Variants in CDS1 observed in about 807,000 individuals in gnomAD.
CDS1 encodes phosphatidate cytidylyltransferase 1.
CDS1 carries 41 observed loss-of-function variants against 62.1 expected under a neutral mutation model. The observed-to-expected ratio is 0.66, with a 90% CI of 0.51 to 0.86. The LOEUF is 0.86. Among genes scored for constraint, CDS1 ranks in the 40% least tolerant of loss-of-function variants. CDS1 has a pLI of 0.00. For missense variants in CDS1, 470 were observed against 550.1 expected (o/e 0.85, Z 1.46); for synonymous variants, 185 against 192.6 (o/e 0.96, Z 0.32).
intron 8 of CDS1, among the ~76,000 whole-genome samples, chr4:84,636,072 C>T (rs1039011880): frequency 1.3e-5 from 2 of 151,926 alleles, no homozygotes; most frequent in African/African-American, 4.8e-5. Flanking sequence ...GGTTTTTTCT[C>T]TCGGCCATTG....
chr4:84,642,094 A>G lies in CDS1; in HGVS notation c.1033-930A>G, dbSNP rs534352630. On this transcript the variant is annotated intron_variant, in intron 10 of 12. Transcript: ENST00000295887. Reference sequence around the variant, plus strand: ...TGTAATCCCAACACTTTGGGAGGCCAAGGCAGGTGGATCACCTGATGCCAG... The same window carrying G: ...TGTAATCCCAACACTTTGGGAGGCCGAGGCAGGTGGATCACCTGATGCCAG... 2.0e-5 allele frequency among the ~76,000 whole-genome samples: 3 copies of G among 152,296 alleles called. No homozygotes were observed. In the East Asian group the frequency reaches 5.8e-4, roughly 29 times the overall value.
At chr4:84,587,726 A>G (rs905608964) in intron 1 of CDS1, among the ~76,000 whole-genome samples, 2 of 152,190 alleles carry the variant, frequency 1.3e-5, no homozygotes, top group Admixed American at 1.3e-4. Flanking sequence ...AATGGCATAC[A>G]AGTTTATTAA....
In CDS1 at chr4:84,606,320, GTGTGTGTGTGTA is replaced by G. The variant is rs1457862036; in HGVS notation, c.245+1960_245+1971del. On this transcript the variant is annotated intron_variant, in intron 2 of 12. Transcript: ENST00000295887. ...TTTCTTGTGCAGTGTGTGTGTGTGT[GTGTGTGTGTGTA>G]TGTGTGTGTATGTATGGATGTGTGT... Among the ~76,000 whole-genome samples, 4 of 151,916 alleles carry G rather than the reference GTGTGTGTGTGTA, an allele frequency of 2.6e-5. No individual in the cohort carries two copies. The East Asian group carries it at 7.7e-4, about 29-fold the overall frequency.
At chr4:84,584,305 A>C (rs879309967) in intron 1 of CDS1, among the ~76,000 whole-genome samples, 3 of 152,248 alleles carry the variant, frequency 2.0e-5, no homozygotes, top group Non-Finnish European at 4.4e-5. Flanking sequence ...ACTTGTGAAG[A>C]AATGCAGTTT....
chr4:84,643,217 G>C (rs1444333839), intron 11 of CDS1, 74 bp downstream of exon 11: 1 of 1,464,378 alleles, frequency 6.8e-7, no homozygotes, highest in African/African-American at 1.4e-5. Context: ...AATTTGGTCC[G>C]CTCATGATCT....
chr4:84,611,882 G>A (rs540553820), intron 3 of CDS1, among the ~76,000 whole-genome samples: 1 of 152,230 alleles, frequency 6.6e-6, no homozygotes, highest in Admixed American at 6.5e-5. Context: ...CGCTGAATGT[G>A]CCAAGGGCTA....
In CDS1 at chr4:84,621,018, C is replaced by T. The variant is rs1482040899; in HGVS notation, c.580+1485C>T. Among the ~76,000 whole-genome samples the T allele has an allele frequency of 2.0e-5, 3 of 152,212 alleles. No homozygotes were observed. In the East Asian group the frequency reaches 5.8e-4, roughly 29 times the overall value. On this transcript the variant is annotated intron_variant, in intron 5 of 12. Transcript: ENST00000295887. ...GAGGTTGCGGTGAGCCGAGATCACA[C>T]CATTGCACTCCAGCCTGGGCAACAA...
chr4:84,603,240 T>A (rs975724090), intron 1 of CDS1, among the ~76,000 whole-genome samples: 1 of 152,142 alleles, frequency 6.6e-6, no homozygotes, highest in Non-Finnish European at 1.5e-5. Context: ...GTGCTTTTAT[T>A]CCTAGGATTA....
chr4:84,624,308 GT>G (rs1160463254), intron 5 of CDS1, among the ~76,000 whole-genome samples: 44 of 141,552 alleles, frequency 3.1e-4, no homozygotes, highest in South Asian at 4.5e-4. Flanking sequence ...AAAAAAACTA[GT>G]TTTTTTTTTT....
chr4:84,609,524 T>G lies in CDS1; in HGVS notation c.341T>G (p.Leu114Arg), dbSNP rs1349761209. The change falls in exon 3 of 13, where the codon CTT becomes CGT. Residue 114 changes from leucine (L) to arginine (R), a missense_variant and splice_region_variant. Physicochemically the swap from Leu to Arg is moderately radical, Grantham distance 102. This residue lies in a region of CDS1 where 34 missense variants were observed against 64.8 expected (regional missense o/e 0.52). Transcript: ENST00000295887. ...IYMGSFMLML[L>R]VLGIQVKCFH... ...ATGGGATCCTTCATGCTGATGCTTC[T>G]TGTAAGTTTTTGACTTTTCCCTGAG... is the stretch of plus-strand genomic sequence containing the variant. 1 of 1,556,898 alleles carries G rather than the reference T, an allele frequency of 6.4e-7. No homozygotes were observed. The highest frequency in any genetic ancestry group is 8.9e-7 in the Non-Finnish European group (1 of 1,129,592).
chr4:84,614,244 C>G (rs910412694), intron 3 of CDS1, among the ~76,000 whole-genome samples: 9 of 151,982 alleles, frequency 5.9e-5, no homozygotes, highest in Admixed American at 1.3e-4. Context: ...ATGGCACAAC[C>G]CTATCTCTAA....
chr4:84,607,226 A>C (rs1012730302), intron 2 of CDS1, among the ~76,000 whole-genome samples: 4 of 152,192 alleles, frequency 2.6e-5, no homozygotes, highest in Non-Finnish European at 4.4e-5. Flanking sequence ...ATATTTGAAA[A>C]GAGTATTTGT....
intron 1 of CDS1, among the ~76,000 whole-genome samples, chr4:84,596,115 A>G (rs1722740118): frequency 6.6e-6 from 1 of 152,156 alleles, no homozygotes; most frequent in Admixed American, 6.5e-5. Context: ...GCACATACTC[A>G]CCAAGCTCCT....
chr4:84,599,479 A>T (rs1722868700), intron 1 of CDS1, among the ~76,000 whole-genome samples: 1 of 146,532 alleles, frequency 6.8e-6, no homozygotes. Context: ...TATAATCAAG[A>T]TAATGAGCTA....
intron 1 of CDS1, among the ~76,000 whole-genome samples, chr4:84,597,451 A>G (rs1360609234): frequency 6.6e-6 from 1 of 151,884 alleles, no homozygotes; most frequent in Admixed American, 6.6e-5. Flanking sequence ...CAGCCTGGGC[A>G]ACATAGGGAG....
intron 1 of CDS1, 118 bp downstream of exon 1, chr4:84,583,636 G>C: frequency 1.7e-6 from 1 of 592,890 alleles, no homozygotes; most frequent in Non-Finnish European, 2.9e-6. Context: ...CGCTGCCGGT[G>C]CACCTTCCTC....
At chr4:84,606,501 G>C (rs1723099012) in intron 2 of CDS1, among the ~76,000 whole-genome samples, 1 of 151,996 alleles carries the variant, frequency 6.6e-6, no homozygotes, top group African/African-American at 2.4e-5. Context: ...GCATGGCTAT[G>C]GTCTAGTTTA....
intron 1 of CDS1, among the ~76,000 whole-genome samples, chr4:84,601,098 A>G (rs1409438475): frequency 6.9e-6 from 1 of 144,440 alleles, no homozygotes; most frequent in Non-Finnish European, 1.5e-5. Flanking sequence ...GCTTGAGCCC[A>G]GGAGTCTGAG....
Position 84,630,810 on chromosome 4 carries a change from G to GA in CDS1, c.581-1000dup, listed in dbSNP as rs200345164. Among the ~76,000 whole-genome samples, 6 of 149,066 alleles carry GA rather than the reference G, an allele frequency of 4.0e-5. No individual in the cohort carries two copies. In the East Asian group the frequency reaches 7.8e-4, roughly 19 times the overall value. ...ATAGAGCGACACTTGACTCAAAAAA[G>GA]AAAAAAAAAGGATGTTGCAGAATAG... is the stretch of plus-strand genomic sequence containing the variant. On this transcript the variant is annotated intron_variant, in intron 5 of 12. Coordinates refer to ENST00000295887, the MANE Select transcript of CDS1 (RefSeq NM_001263.4).
Sources: allele counts gnomAD v4.1 joint callset (sites outside exome capture counted in the v4.1 genomes callset), GRCh38; gene constraint gnomAD v4.1.1; regional missense constraint gnomAD v4.1.1; transcripts MANE v1.5; gene names NCBI Gene and HGNC (gene_info 2026-07-23, HGNC 2026-07-21).